GPR84: variants seen among roughly 807,000 people sequenced by gnomAD.
GPR84 encodes the protein G protein-coupled receptor 84.
In GPR84, 8 loss-of-function variants were observed where a neutral mutation model predicts 14.9. The ratio of observed to expected loss-of-function variants is 0.54; its 90% CI spans 0.31 to 0.97. The LOEUF (loss-of-function observed/expected upper bound fraction) is 0.97. GPR84 is among the 50% of genes least tolerant of loss of function. The pLI is 0.04. For missense variants in GPR84, 424 were observed against 498.7 expected, an observed-to-expected ratio of 0.85 and a Z score of 1.43; for synonymous variants, 164 against 198.1, an observed-to-expected ratio of 0.83 and a Z score of 1.45.
the GPR84 span, among the ~76,000 whole-genome samples, chr12:54,355,327 A>AGTGTGTGTGT: frequency 5.2e-3 from 771 of 146,936 alleles, 3 homozygotes; most frequent in South Asian, 0.011. Flanking sequence ...TGTGTGTGTG[A>AGTGTGTGTGT]GTGTGTGTGT....
At chr12:54,355,390 A>G in the GPR84 span, among the ~76,000 whole-genome samples, 5 of 151,158 alleles carry the variant, frequency 3.3e-5, no homozygotes, top group African/African-American at 1.2e-4. Context: ...TGCGGTATGG[A>G]TAGGATGATT....
At chr12:54,354,238 C>G in the GPR84 span, among the ~76,000 whole-genome samples, 1 of 151,826 alleles carries the variant, frequency 6.6e-6, no homozygotes, top group Non-Finnish European at 1.5e-5. Flanking sequence ...ACCTCAGCCT[C>G]TTGAGTAGCT....
chr12:54,358,091 C>G (rs1356813462), downstream of GPR84, among the ~76,000 whole-genome samples: 3 of 152,126 alleles, frequency 2.0e-5, no homozygotes, highest in African/African-American at 7.2e-5. Context: ...TAGGAGCCCC[C>G]AGCTGCACCC....
Position 54,362,706 on chromosome 12 carries a change from GC to G in GPR84, c.1145del (p.Gly382AlafsTer4). Reference protein sequence around the residue: ...AMNRQFRQAYGSILKRGPRSF... With the variant: ...AMNRQFRQAYXSILKRGPRSF... ...TCCGGGGCCCTCTTTTTAAAATGGA[GC>G]CATATGCTTGGCGGAATTGGCGGTT... On this transcript the variant is annotated frameshift_variant, in exon 2 of 2. Transcript: ENST00000267015. LOFTEE classifies it high-confidence loss of function. This position sits in a 1 kb window ranked among gnomAD's most constrained non-coding sequence, Gnocchi z 4.0. 2 of 1,613,370 alleles carry G rather than the reference GC, an allele frequency of 1.2e-6. No individual in the cohort carries two copies. The highest frequency in any genetic ancestry group is 1.7e-6 in the Non-Finnish European group (2 of 1,179,420).
chr12:54,363,326 G>A lies in GPR84; in HGVS notation c.526C>T (p.Arg176Trp), dbSNP rs376351361. ...CTCSFDRIRGRPYTTILMGIY... is the reference protein window; with the variant it reads ...CTCSFDRIRGWPYTTILMGIY... ...CCCATGAGGATGGTGGTGTAAGGCC[G>A]GCCTCGGATGCGGTCAAAGCTGCAG... Residue 176 changes from arginine to tryptophan, a missense_variant, in exon 2 of 2, where the codon CGG (arginine) becomes TGG (tryptophan). Coordinates refer to ENST00000267015, the MANE Select transcript of GPR84 (RefSeq NM_020370.3). 6.2e-6 allele frequency: 10 copies of A among 1,614,108 alleles called. No homozygotes were observed. The highest frequency in any genetic ancestry group is 5.9e-6 in the Non-Finnish European group (7 of 1,180,010).
chr12:54,357,144 T>A, the GPR84 span, among the ~76,000 whole-genome samples: 1 of 152,154 alleles, frequency 6.6e-6, no homozygotes, highest in Non-Finnish European at 1.5e-5. Flanking sequence ...TTGCTGCCCA[T>A]CCGTCTTCTG....
chr12:54,359,680 A>G (rs1954249794), downstream of GPR84, among the ~76,000 whole-genome samples: 1 of 152,114 alleles, frequency 6.6e-6, no homozygotes, highest in African/African-American at 2.4e-5. Flanking sequence ...CCAAACACAC[A>G]CACATCCCGA....
the GPR84 span, chr12:54,353,908 A>C: frequency 0.11 from 17,018 of 152,210 alleles, 1,243 homozygotes; most frequent in East Asian, 0.22. Context: ...TAGGTGACAG[A>C]GAGTCCAGAA....
At chr12:54,355,193 A>G in the GPR84 span, among the ~76,000 whole-genome samples, 4 of 152,170 alleles carry the variant, frequency 2.6e-5, no homozygotes, top group African/African-American at 4.8e-5. Flanking sequence ...GAAGGAAGGC[A>G]AGACTGGGAG....
downstream of GPR84, among the ~76,000 whole-genome samples, chr12:54,359,436 G>T (rs1236634081): frequency 1.4e-5 from 2 of 147,924 alleles, no homozygotes; most frequent in Non-Finnish European, 3.0e-5. Flanking sequence ...CGGGGGGAGC[G>T]CGGCAGCGGG....
downstream of GPR84, among the ~76,000 whole-genome samples, chr12:54,360,876 A>G (rs1036724436): frequency 6.6e-6 from 1 of 152,158 alleles, no homozygotes; most frequent in Non-Finnish European, 1.5e-5. Flanking sequence ...CATGAATAAT[A>G]AATGTCTCAT....
At chr12:54,353,905 CAG>C in the GPR84 span, 1 of 152,192 alleles carries the variant, frequency 6.6e-6, no homozygotes, top group Non-Finnish European at 1.5e-5. Context: ...AGGTAGGTGA[CAG>C]AGAGTCCAGA....
the GPR84 span, among the ~76,000 whole-genome samples, chr12:54,354,116 C>CTTT: frequency 9.3e-4 from 132 of 141,490 alleles, no homozygotes; most frequent in African/African-American, 3.3e-3. Flanking sequence ...TTTCTCTTTT[C>CTTT]TTTTTTTTTT....
downstream of GPR84, among the ~76,000 whole-genome samples, chr12:54,361,242 C>T (rs1287964281): frequency 6.6e-6 from 1 of 151,924 alleles, no homozygotes; most frequent in Non-Finnish European, 1.5e-5. The surrounding 1 kb of genome is among the most constrained non-coding windows in gnomAD (Gnocchi z 4.3). Context: ...AGTGCAGTGG[C>T]GCGATCTCGG....
the GPR84 span, among the ~76,000 whole-genome samples, chr12:54,352,621 A>T: frequency 6.6e-6 from 1 of 152,160 alleles, no homozygotes; most frequent in South Asian, 2.1e-4. Context: ...TAAGCAAGGG[A>T]GACCAAATTA....
chr12:54,359,624 CAA>C (rs1356527608), downstream of GPR84, among the ~76,000 whole-genome samples: 1 of 152,098 alleles, frequency 6.6e-6, no homozygotes, highest in African/African-American at 2.4e-5. Context: ...GATAAAGAGA[CAA>C]AGAGAGACAG....
downstream of GPR84, among the ~76,000 whole-genome samples, chr12:54,359,542 CAAAG>C (rs1222585471): frequency 1.2e-4 from 19 of 152,158 alleles, no homozygotes; most frequent in African/African-American, 4.1e-4. Context: ...TGGAAAGAGA[CAAAG>C]AGAGGCAGTG....
downstream of GPR84, among the ~76,000 whole-genome samples, chr12:54,358,750 C>G (rs998925517): frequency 5.3e-5 from 8 of 152,068 alleles, no homozygotes; most frequent in African/African-American, 1.9e-4. Flanking sequence ...GGATCTTGGA[C>G]AAATTACCCA....
chr12:54,352,124 G>A, the GPR84 span, among the ~76,000 whole-genome samples: 1 of 152,146 alleles, frequency 6.6e-6, no homozygotes, highest in Non-Finnish European at 1.5e-5. Flanking sequence ...CCCAAAGCCA[G>A]CTGCCTGCTC....
Sources: allele counts gnomAD v4.1 joint callset (sites outside exome capture counted in the v4.1 genomes callset), GRCh38; gene constraint gnomAD v4.1.1; non-coding constraint Gnocchi (gnomAD v3.1); transcripts MANE v1.5; gene names NCBI Gene and HGNC (gene_info 2026-07-23, HGNC 2026-07-21).